The following WDFY4 variants were observed in gnomAD, a reference collection of about 807,000 sequenced individuals.
WDFY4 encodes WDFY family member 4, also known as WD repeat- and FYVE domain-containing protein 4.
A neutral mutation model predicts 351.9 loss-of-function variants in WDFY4; 169 were observed. The ratio of observed to expected loss-of-function variants is 0.48; its 90% CI spans 0.42 to 0.55. WDFY4 has a LOEUF of 0.55. Ranked by LOEUF, WDFY4 falls within the 20% of genes least tolerant of loss-of-function variation. The pLI is 0.00. For missense variants in WDFY4, 3,803 were observed against 3,935.6 expected, an observed-to-expected ratio of 0.97 and a Z score of 0.90; for synonymous variants, 1,622 against 1,574.6, an observed-to-expected ratio of 1.03 and a Z score of -0.71.
chr10:48,742,820 C>T, intron 11 of WDFY4, 148 bp from the exon 12 acceptor site: 1 of 718,884 alleles, frequency 1.4e-6, no homozygotes, highest in Non-Finnish European at 2.3e-6. Context: ...TATGGAGATC[C>T]CAATGTTTCA....
intron 24 of WDFY4, among the ~76,000 whole-genome samples, chr10:48,796,775 A>C (rs2066890086): frequency 6.6e-6 from 1 of 152,214 alleles, no homozygotes; most frequent in Admixed American, 6.5e-5. Flanking sequence ...ATAAATTGGC[A>C]TATACATATG....
intron 53 of WDFY4, among the ~76,000 whole-genome samples, chr10:48,963,022 C>G (rs1359696269): frequency 6.6e-6 from 1 of 152,178 alleles, no homozygotes; most frequent in Non-Finnish European, 1.5e-5. Context: ...CCAGAATTCC[C>G]CAGTAACTGA....
At chr10:48,703,984 C>A (rs1050399550) in intron 1 of WDFY4, among the ~76,000 whole-genome samples, 1 of 152,138 alleles carries the variant, frequency 6.6e-6, no homozygotes, top group Non-Finnish European at 1.5e-5. Context: ...CACAGGGAAT[C>A]CCTCCCTCTT....
At chr10:48,735,695 CT>C (rs1418903755) in intron 10 of WDFY4, among the ~76,000 whole-genome samples, 184 bp from the exon 11 acceptor site, 1 of 152,020 alleles carries the variant, frequency 6.6e-6, no homozygotes, top group Non-Finnish European at 1.5e-5. Context: ...TCCACAGTTT[CT>C]TTTTTCTGCT....
chr10:48,929,162 T>A (rs540384296), intron 47 of WDFY4, among the ~76,000 whole-genome samples: 1 of 151,018 alleles, frequency 6.6e-6, no homozygotes, highest in South Asian at 2.1e-4. Context: ...GAATTTCAGA[T>A]GGAGGAAACA....
intron 39 of WDFY4, among the ~76,000 whole-genome samples, chr10:48,859,259 T>C (rs2069251485): frequency 6.6e-6 from 1 of 152,202 alleles, no homozygotes; most frequent in African/African-American, 2.4e-5. Context: ...GCACTATATT[T>C]AATAAAAGCA....
chr10:48,771,320 C>A (rs1420743464), intron 13 of WDFY4, among the ~76,000 whole-genome samples: 1 of 152,158 alleles, frequency 6.6e-6, no homozygotes, highest in Non-Finnish European at 1.5e-5. Flanking sequence ...TAGGAGGGAA[C>A]CCCTCAAATG....
At chr10:48,791,695 GCAGGGC>G (rs2132751633) in intron 23 of WDFY4, among the ~76,000 whole-genome samples, 1 of 152,244 alleles carries the variant, frequency 6.6e-6, no homozygotes, top group East Asian at 1.9e-4. Context: ...AATTAGGAGG[GCAGGGC>G]CAGGGTCGGA....
chr10:48,960,960 T>G (rs1031993138), intron 53 of WDFY4, among the ~76,000 whole-genome samples: 1 of 152,240 alleles, frequency 6.6e-6, no homozygotes, highest in African/African-American at 2.4e-5. Flanking sequence ...ACGGGGGGAC[T>G]TTTTGAGCCG....
chr10:48,945,798 C>A (rs899605443), intron 49 of WDFY4, among the ~76,000 whole-genome samples: 1 of 152,236 alleles, frequency 6.6e-6, no homozygotes. Flanking sequence ...TTTGGGTCAA[C>A]TTGGAACAGG....
intron 47 of WDFY4, among the ~76,000 whole-genome samples, chr10:48,940,307 TG>T (rs1304192880): frequency 6.6e-6 from 1 of 152,240 alleles, no homozygotes; most frequent in African/African-American, 2.4e-5. Context: ...TGCTTATTGT[TG>T]GGTGTTGCTT....
intron 12 of WDFY4, among the ~76,000 whole-genome samples, chr10:48,744,330 G>A (rs970450150): frequency 3.3e-5 from 5 of 152,176 alleles, no homozygotes; most frequent in Admixed American, 6.5e-5. Context: ...AGAGTGCCCC[G>A]TTTGCCAGAC....
intron 40 of WDFY4, among the ~76,000 whole-genome samples, chr10:48,871,465 G>GC (rs368545843): frequency 0.024 from 3,540 of 148,894 alleles, 143 homozygotes; most frequent in African/African-American, 0.082. Flanking sequence ...TTTTCTGGTG[G>GC]CCCCCCCCTT....
intron 55 of WDFY4, 199 bp from the exon 56 acceptor site, chr10:48,968,865 G>A: frequency 1.7e-6 from 1 of 584,190 alleles, no homozygotes; most frequent in Non-Finnish European, 3.0e-6. Context: ...CGGCTACAGT[G>A]GGTGCTGTCC....
chr10:48,694,165 G>A (rs534807029), intron 1 of WDFY4, among the ~76,000 whole-genome samples: 5 of 152,276 alleles, frequency 3.3e-5, no homozygotes, highest in South Asian at 4.1e-4. Context: ...GAGATATAAA[G>A]GATCCTGCAA....
Position 48,974,519 on chromosome 10 carries a change from A to AAAAAAAAAAAAAAAAAAAAAAAAAACAAC in WDFY4, c.8929-333_8929-332insAAAAAAAAAAAAAAACAACAAAAAAAAAA, listed in dbSNP as rs1352344126. 3.2e-3 allele frequency among the ~76,000 whole-genome samples: 160 copies of AAAAAAAAAAAAAAAAAAAAAAAAAACAAC among 49,972 alleles called. 39 individuals are homozygous for AAAAAAAAAAAAAAAAAAAAAAAAAACAAC. The highest frequency in any genetic ancestry group is 7.0e-3 in the East Asian group (9 of 1,290). 32.8% of individuals were successfully genotyped at this position (49,972 alleles called of 152,430 possible). A position where few individuals can be genotyped will look rare whatever the true frequency, so the allele number is the denominator to read the frequency against. On this transcript the variant is annotated intron_variant, in intron 57 of 61. Transcript: ENST00000325239. ...CTCCGTCTCAAAAAAAAAAAAAAAA[A>AAAAAAAAAAAAAAAAAAAAAAAAAACAAC]AAAAAAAAAACAACTCATGACATGA...
intron 60 of WDFY4, among the ~76,000 whole-genome samples, chr10:48,980,809 C>T (rs1459250101): frequency 1.3e-5 from 2 of 152,138 alleles, no homozygotes; most frequent in Admixed American, 6.5e-5. Context: ...CTCCATCTCA[C>T]CCTTCACATT....
At chr10:48,904,214 G>A (rs1365400352) in intron 47 of WDFY4, among the ~76,000 whole-genome samples, 1 of 152,218 alleles carries the variant, frequency 6.6e-6, no homozygotes, top group African/African-American at 2.4e-5. Flanking sequence ...GCCAGGGTAT[G>A]GTCCAGGGGA....
At chr10:48,718,973 G>A (rs1229555826) in intron 2 of WDFY4, among the ~76,000 whole-genome samples, 1 of 152,120 alleles carries the variant, frequency 6.6e-6, no homozygotes, top group African/African-American at 2.4e-5. Context: ...AGAAGGGGCA[G>A]ATAAGAAAGA....
Sources: gnomAD v4.1 joint callset for allele counts (sites outside exome capture counted in the v4.1 genomes callset) on GRCh38, gnomAD v4.1.1 for gene constraint, MANE v1.5 for transcripts, NCBI Gene and HGNC (gene_info 2026-07-23, HGNC 2026-07-21) for gene names.